The following LVRN variants were observed in gnomAD, a reference collection of about 807,000 sequenced individuals.
The protein encoded by LVRN is aminopeptidase Q.
LVRN carries 99 observed loss-of-function variants against 111.4 expected under a neutral mutation model. The observed-to-expected ratio is 0.89, with a 90% confidence interval of 0.76 to 1.05. LVRN has a LOEUF of 1.05. Among genes scored for constraint, LVRN ranks in the 50% least tolerant of loss-of-function variants. LVRN has a pLI of 0.00. For missense variants in LVRN, 1,414 were observed against 1,206.8 expected (o/e 1.17, Z -2.54); for synonymous variants, 488 against 449.5 (o/e 1.09, Z -1.08).
Position 115,962,704 on chromosome 5 carries a change from G to T in LVRN, c.87G>T (p.Ala29=). Reference sequence around the variant, plus strand: ...GGCTGGTAGCCGCCCTCCTGCTGGCGCTGGCCGTACTCGCCGCCTTGTACG... The same window carrying T: ...GGCTGGTAGCCGCCCTCCTGCTGGCTCTGGCCGTACTCGCCGCCTTGTACG... ...LAGLVAALLL[A]LAVLAALYGH... is the part of the protein sequence containing the mutation. Residue 29 remains alanine, a synonymous_variant, in exon 1 of 20, where the codon GCG becomes GCT. Transcript: ENST00000357872. 6.2e-7 allele frequency: 1 copy of T among 1,611,338 alleles called. No homozygotes were observed. The highest frequency in any genetic ancestry group is 8.5e-7 in the Non-Finnish European group (1 of 1,179,606).
chr5:116,005,702 A>G (rs1748352699), intron 12 of LVRN: 3 of 625,422 alleles, frequency 4.8e-6, no homozygotes, highest in Non-Finnish European at 8.9e-6. Flanking sequence ...CTTATGATTG[A>G]TGTCCAGAGG....
Position 115,962,822 on chromosome 5 carries a change from AC to A in LVRN, c.209del (p.Pro70ArgfsTer9), listed in dbSNP as rs751940664. On this transcript the variant is annotated frameshift_variant, in exon 1 of 20. Transcript: ENST00000357872. LOFTEE classifies it high-confidence loss of function. ...TCCCCTCAGGCAGAAGCCGACGCCA[AC>A]CCCGAAACCCAGCAGTGCACGCGAG... ...SPPLRQKPTP[T>X]PKPSSARELA... 4.9e-4 allele frequency: 784 copies of A among 1,611,678 alleles called. 1 individual carries two copies. Among genetic ancestry groups the A allele is most frequent in the Middle Eastern group, 1.5e-3 (9 of 6,060 alleles).
intron 6 of LVRN, among the ~76,000 whole-genome samples, chr5:115,996,554 T>C (rs917799167): frequency 2.0e-5 from 3 of 152,192 alleles, no homozygotes; most frequent in African/African-American, 7.2e-5. Context: ...AATCTAGTAA[T>C]GTGATTGAAA....
chr5:116,011,530 G>A (rs1328225073), intron 14 of LVRN, among the ~76,000 whole-genome samples: 1 of 152,112 alleles, frequency 6.6e-6, no homozygotes. Flanking sequence ...AGCCCTCTTT[G>A]GGGAGTTAGG....
chr5:115,993,200 G>GTTTT (rs35417462), intron 5 of LVRN, among the ~76,000 whole-genome samples: 24,801 of 148,496 alleles, frequency 0.17, 2,267 homozygotes, highest in East Asian at 0.4. Flanking sequence ...ATTTGACACT[G>GTTTT]TTTTTTTTTT....
intron 13 of LVRN, among the ~76,000 whole-genome samples, chr5:116,008,424 GA>G: frequency 6.6e-6 from 1 of 152,188 alleles, no homozygotes; most frequent in South Asian, 2.1e-4. Context: ...GTGAAAGGGG[GA>G]GTCCTGAATC....
At chr5:115,974,559 A>C (rs986283409) in intron 1 of LVRN, 1 of 152,302 alleles carries the variant, frequency 6.6e-6, no homozygotes, top group African/African-American at 2.4e-5. Flanking sequence ...TTTCCTTTTT[A>C]GTTGTTGATG....
intron 14 of LVRN, 123 bp downstream of exon 14, chr5:116,011,017 A>AT: frequency 3.2e-6 from 1 of 308,074 alleles, no homozygotes. Flanking sequence ...ATATATATAT[A>AT]TATATATATG....
intron 6 of LVRN, among the ~76,000 whole-genome samples, chr5:115,997,973 T>C (rs11241347): frequency 0.11 from 16,319 of 152,208 alleles, 1,247 homozygotes; most frequent in East Asian, 0.35. Flanking sequence ...TAAAACCTTA[T>C]ACCAGGCAGG....
chr5:115,965,437 T>C (rs150388078), intron 1 of LVRN, among the ~76,000 whole-genome samples: 2,554 of 152,338 alleles, frequency 0.017, 71 homozygotes, highest in African/African-American at 0.058. Context: ...GTAAACTTTA[T>C]GTTATGTGTA....
chr5:116,021,635 A>G (rs1174032729), intron 18 of LVRN: 2 of 377,150 alleles, frequency 5.3e-6, no homozygotes, highest in African/African-American at 2.2e-5. Context: ...GTATATATTA[A>G]CTATTCAACT....
At position 116,000,677 on chromosome 5, in the gene LVRN, G is replaced by A; in HGVS notation, c.1647+19G>A. ...TCAAATGGTAATTGTCCTACTTTCTGACACATTCTTGCTGAGTTGTTTTGT... is the reference window on the plus strand; with the variant it reads ...TCAAATGGTAATTGTCCTACTTTCTAACACATTCTTGCTGAGTTGTTTTGT... On this transcript the variant is annotated intron_variant, in intron 9 of 19. Transcript: ENST00000357872. 2 of 1,611,708 alleles carry A rather than the reference G, an allele frequency of 1.2e-6. No individual in the cohort carries two copies. The highest frequency in any genetic ancestry group is 2.2e-5 in the South Asian group (2 of 90,932).
At position 116,015,654 on chromosome 5, in the gene LVRN, C is replaced by A; in HGVS notation, c.2645C>A (p.Ser882Tyr). The A allele has an allele frequency of 6.2e-7, 1 of 1,612,978 alleles. No homozygotes were observed. The highest frequency in any genetic ancestry group is 8.5e-7 in the Non-Finnish European group (1 of 1,179,416). ...TATATGGAGTATGCCATCAGCACAT[C>A]TCCATTCACTTCTAATGAAACAAAT... ...NRYMEYAIST[S>Y]PFTSNETNII... Residue 882 changes from serine (S) to tyrosine (Y), a missense_variant, in exon 18 of 20, where the codon TCT becomes TAT. Coordinates refer to ENST00000357872, the MANE Select transcript of LVRN (RefSeq NM_173800.5).
chr5:116,000,015 C>A (rs1253253150), intron 7 of LVRN, 113 bp downstream of exon 7: 4 of 1,217,386 alleles, frequency 3.3e-6, no homozygotes, highest in Non-Finnish European at 2.3e-6. Flanking sequence ...TGAAAATAAC[C>A]TTATTTTAAT....
intron 4 of LVRN, among the ~76,000 whole-genome samples, chr5:115,991,864 T>G (rs562126200): frequency 3.9e-5 from 6 of 152,356 alleles, no homozygotes; most frequent in African/African-American, 1.4e-4. Context: ...GTCTGTTTCT[T>G]TACTGCTAAG....
At chr5:116,014,588 T>G in intron 16 of LVRN, 61 bp downstream of exon 16, 1 of 1,340,484 alleles carries the variant, frequency 7.5e-7, no homozygotes, top group Non-Finnish European at 1.1e-6. Flanking sequence ...CAATTTCCCT[T>G]TTTGATGTAC....
At chr5:116,002,685 G>A (rs1340309069) in intron 10 of LVRN, 150 bp from the exon 11 acceptor site, 2 of 541,616 alleles carry the variant, frequency 3.7e-6, no homozygotes, top group Non-Finnish European at 6.4e-6. Context: ...ACAGTGGTGA[G>A]TAATCCTAAG....
At chr5:116,002,745 T>C in intron 10 of LVRN, 90 bp from the exon 11 acceptor site, 1 of 906,992 alleles carries the variant, frequency 1.1e-6, no homozygotes, top group African/African-American at 1.7e-5. Context: ...CTGAGTTCTG[T>C]GTGCTATTTC....
At chr5:115,966,345 C>T (rs1482387334) in intron 1 of LVRN, among the ~76,000 whole-genome samples, 1 of 152,150 alleles carries the variant, frequency 6.6e-6, no homozygotes, top group East Asian at 1.9e-4. Context: ...CAGCATAATG[C>T]CCTTGCGATC....
Sources: allele counts gnomAD v4.1 joint callset (sites outside exome capture counted in the v4.1 genomes callset), GRCh38; gene constraint gnomAD v4.1.1; transcripts MANE v1.5; gene names NCBI Gene and HGNC (gene_info 2026-07-23, HGNC 2026-07-21).